Variants in RBM44 observed in about 807,000 individuals in gnomAD.
The protein encoded by RBM44 is RNA binding motif protein 44, also known as RNA-binding protein 44.
In RBM44, 66 loss-of-function variants were observed where a neutral mutation model predicts 105.1. That is an observed-to-expected ratio of 0.63 (90% CI 0.52 to 0.77). The LOEUF (loss-of-function observed/expected upper bound fraction) is 0.77. Ranked by LOEUF, RBM44 falls within the 30% of genes least tolerant of loss-of-function variation. RBM44 has a pLI of 0.00. For missense variants in RBM44, 1,122 were observed against 1,207.8 expected, an observed-to-expected ratio of 0.93 and a Z score of 1.05; for synonymous variants, 365 against 417.6, an observed-to-expected ratio of 0.87 and a Z score of 1.54.
chr2:237,842,412 G>A lies in RBM44; in HGVS notation c.*596G>A, dbSNP rs1203077792. ...ATTTCATGCATTTTTTATGACTTCA[G>A]TATAAAACATTCAGGTGTGTTAGCC... is the stretch of plus-strand genomic sequence containing the variant. On this transcript the variant is annotated 3_prime_UTR_variant, in exon 16 of 16. Transcript: ENST00000316997. The A allele has an allele frequency of 1.3e-5, 2 of 152,026 alleles. No homozygotes were observed. Among genetic ancestry groups the A allele is most frequent in the African/African-American group, 4.8e-5 (2 of 41,418 alleles). 9.4% of individuals were successfully genotyped at this position (152,026 alleles called of 1,614,324 possible).
rs781659702 is a variant in RBM44, at chr2:237,834,009, AATTGTAAGC to A, written c.2901_2909del (p.Asn967_Gln970delinsLys). ...AATGCTTATTTAGGGTGTCAAGAAG[AATTGTAAGC>A]AGATTGAATCTGCTAAATTATTACC... On this transcript the variant is annotated inframe_deletion, in exon 14 of 16. Transcript: ENST00000316997. 2.1e-5 allele frequency: 32 copies of A among 1,531,834 alleles called. No individual in the cohort carries two copies. The highest frequency in any genetic ancestry group is 1.1e-5 in the Non-Finnish European group (12 of 1,136,044). 94.9% of individuals were successfully genotyped at this position (1,531,834 alleles called of 1,614,324 possible). A position where few individuals can be genotyped will look rare whatever the true frequency, so the allele number is the denominator to read the frequency against.
intron 1 of RBM44, among the ~76,000 whole-genome samples, chr2:237,801,005 T>C (rs1462736887): frequency 6.6e-6 from 1 of 152,078 alleles, no homozygotes. Flanking sequence ...AGGTGTGAGC[T>C]ACTGCGCCCA....
chr2:237,816,921 C>T, intron 2 of RBM44, 72 bp from the exon 3 acceptor site: 1 of 919,648 alleles, frequency 1.1e-6, no homozygotes, highest in Admixed American at 3.1e-5. Flanking sequence ...TAAACCAGAT[C>T]ATGTCTAAGG....
At chr2:237,836,642 TG>T (rs996312054) in intron 15 of RBM44, among the ~76,000 whole-genome samples, 5 of 151,990 alleles carry the variant, frequency 3.3e-5, no homozygotes, top group Admixed American at 2.0e-4. Context: ...TAGCTGGGCG[TG>T]GTGGCGTGCA....
At position 237,829,414 on chromosome 2, in the gene RBM44, A is replaced by G; in HGVS notation, c.2798A>G (p.His933Arg). 1 of 1,613,634 alleles carries G rather than the reference A, an allele frequency of 6.2e-7. No individual in the cohort carries two copies. Among genetic ancestry groups the G allele is most frequent in the Admixed American group, 1.7e-5 (1 of 59,978 alleles). The change falls in exon 13 of 16, where the codon CAC becomes CGC. Residue 933 changes from histidine to arginine, a missense_variant. This residue lies in a region of RBM44 where 194 missense variants were observed against 225.5 expected (regional missense o/e 0.86). Coordinates refer to ENST00000316997, the MANE Select transcript of RBM44 (RefSeq NM_001080504.3). ...GAGAAAAGCACCAACAAACAAATCC[A>G]CTCAGAATTCTCCATTTCTAGATTG... ...NLEKSTNKQIHSEFSISRLPR... is the reference protein window; with the variant it reads ...NLEKSTNKQIRSEFSISRLPR...
At chr2:237,833,937 T>G (rs2061928916) in intron 13 of RBM44, 60 bp from the exon 14 acceptor site, 1 of 821,702 alleles carries the variant, frequency 1.2e-6, no homozygotes, top group African/African-American at 1.7e-5. Context: ...GAATAAGCGG[T>G]ATTATCTTTA....
At chr2:237,813,716 T>G (rs1236410528) in intron 2 of RBM44, 34 bp downstream of exon 2, 2 of 1,359,208 alleles carry the variant, frequency 1.5e-6, no homozygotes, top group Admixed American at 3.4e-5. Context: ...TTATTCTTGG[T>G]GGGGAAGGGT....
rs143025876 is a variant in RBM44 at position 237,800,437 on chromosome 2, C to T, written c.-19+1576C>T. Among the ~76,000 whole-genome samples the T allele has an allele frequency of 3.0e-3, 450 of 152,282 alleles. 2 individuals are homozygous for T. The highest frequency in any genetic ancestry group is 0.01 in the African/African-American group (433 of 41,546). On this transcript the variant is annotated intron_variant, in intron 1 of 15. Transcript: ENST00000316997. ...TTTTCTCTTTGGCAAACGTTTTTAA[C>T]TTTGGGTGTCTTCATATTTAAGAAT...
At chr2:237,801,637 A>AT (rs1367932624) in intron 1 of RBM44, among the ~76,000 whole-genome samples, 6 of 152,122 alleles carry the variant, frequency 3.9e-5, no homozygotes, top group Non-Finnish European at 7.4e-5. Context: ...AGACCAGTTC[A>AT]TTTTTATACA....
intron 15 of RBM44, among the ~76,000 whole-genome samples, chr2:237,836,274 G>A (rs994528540): frequency 5.9e-5 from 9 of 152,138 alleles, no homozygotes; most frequent in Non-Finnish European, 1.3e-4. Context: ...AAGCCTGGAT[G>A]ACAACACATC....
At chr2:237,807,565 A>G (rs1380659219) in intron 1 of RBM44, among the ~76,000 whole-genome samples, 1 of 152,380 alleles carries the variant, frequency 6.6e-6, no homozygotes, top group African/African-American at 2.4e-5. Flanking sequence ...CTAGCATTAC[A>G]AACAACTTTT....
At chr2:237,800,095 A>G (rs2061530238) in intron 1 of RBM44, among the ~76,000 whole-genome samples, 1 of 152,196 alleles carries the variant, frequency 6.6e-6, no homozygotes, top group African/African-American at 2.4e-5. Context: ...TTACATTCCC[A>G]TCGGCAATGG....
chr2:237,809,446 T>G (rs1030290598), intron 1 of RBM44, among the ~76,000 whole-genome samples: 8 of 152,198 alleles, frequency 5.3e-5, no homozygotes, highest in Admixed American at 2.0e-4. Flanking sequence ...GTGTCTCTAG[T>G]TCTTTCTTTT....
chr2:237,835,079 A>T (rs898088421), intron 15 of RBM44, among the ~76,000 whole-genome samples: 1 of 152,178 alleles, frequency 6.6e-6, no homozygotes, highest in Non-Finnish European at 1.5e-5. Context: ...ACAACATTTC[A>T]AACTTTTTTG....
At position 237,818,518 on chromosome 2, in the gene RBM44, A is replaced by C; in HGVS notation, c.1599A>C (p.Thr533=). Reference sequence around the variant, plus strand: ...CATACAGTGAAGATTGTATAGATACACAGATGGCTATAACAAAAGGATCAG... The same window carrying C: ...CATACAGTGAAGATTGTATAGATACCCAGATGGCTATAACAAAAGGATCAG... The part of the protein sequence containing the change: ...DWSYSEDCID[T]QMAITKGSGK... The change falls in exon 3 of 16, where the codon ACA becomes ACC. Residue 533 remains threonine, a synonymous_variant. Transcript: ENST00000316997. The surrounding 1 kb of genome is among the most constrained non-coding windows in gnomAD (Gnocchi z 4.6). 6.2e-7 allele frequency: 1 copy of C among 1,607,746 alleles called. No homozygotes were observed. The highest frequency in any genetic ancestry group is 8.5e-7 in the Non-Finnish European group (1 of 1,176,918).
At position 237,824,390 on chromosome 2, in the gene RBM44, A is replaced by C. The variant is rs776115805; in HGVS notation, c.2420A>C (p.Gln807Pro). The change falls in exon 10 of 16, where the codon CAA becomes CCA. Residue 807 changes from glutamine (Q) to proline (P), a missense_variant. Physicochemically the swap from Gln to Pro is moderately conservative, Grantham distance 76. Transcript: ENST00000316997. Reference protein sequence around the residue: ...VSGTQGNQVEQDTWNLDLTGE... With the variant: ...VSGTQGNQVEPDTWNLDLTGE... Reference sequence around the variant, plus strand: ...GGGACACAGGGAAATCAAGTAGAACAAGACACATGGAATTTGGATCTTACA... The same window carrying C: ...GGGACACAGGGAAATCAAGTAGAACCAGACACATGGAATTTGGATCTTACA... The C allele has an allele frequency of 9.9e-6, 16 of 1,612,818 alleles. No homozygotes were observed. In the Admixed American group the frequency reaches 2.3e-4, roughly 24 times the overall value.
intron 1 of RBM44, among the ~76,000 whole-genome samples, chr2:237,799,979 A>G (rs1425873207): frequency 6.6e-6 from 1 of 152,150 alleles, no homozygotes; most frequent in African/African-American, 2.4e-5. Flanking sequence ...CAAAGAAAAT[A>G]ATAAAAATGG....
At chr2:237,811,634 C>T (rs1336745880) in intron 1 of RBM44, among the ~76,000 whole-genome samples, 1 of 151,316 alleles carries the variant, frequency 6.6e-6, no homozygotes, top group South Asian at 2.1e-4. Context: ...ATGGCCTTTT[C>T]ATTTTTTTTC....
chr2:237,812,098 CA>C lies in RBM44; in HGVS notation c.-18-1493del, dbSNP rs1468871296. ...CTCGAACTCCTGAGCTCATGCAATC[CA>C]CCCACCTCAGCCTCCCAGAGTGCTA... On this transcript the variant is annotated intron_variant, in intron 1 of 15. Coordinates refer to ENST00000316997, the MANE Select transcript of RBM44 (RefSeq NM_001080504.3). 3.3e-5 allele frequency among the ~76,000 whole-genome samples: 5 copies of C among 152,272 alleles called. No individual in the cohort carries two copies. In the East Asian group the frequency reaches 5.8e-4, roughly 18 times the overall value.
Sources: gnomAD v4.1 joint callset for allele counts (sites outside exome capture counted in the v4.1 genomes callset) on GRCh38, gnomAD v4.1.1 for gene constraint, gnomAD v4.1.1 regional missense constraint, Gnocchi (gnomAD v3.1) non-coding constraint, MANE v1.5 for transcripts, NCBI Gene and HGNC (gene_info 2026-07-23, HGNC 2026-07-21) for gene names.